The following COL4A6 variants were observed in gnomAD, a reference collection of about 807,000 sequenced individuals.
COL4A6 encodes the protein collagen alpha-6(IV) chain.
In COL4A6, 59 loss-of-function variants were observed where a neutral mutation model predicts 126.7. That is an observed-to-expected ratio of 0.47 (90% CI 0.38 to 0.58). The LOEUF (loss-of-function observed/expected upper bound fraction) is 0.58. Ranked by LOEUF, COL4A6 falls within the 20% of genes least tolerant of loss-of-function variation. The probability of loss-of-function intolerance (pLI) is 0.00; values close to 1 mark genes in which losing one functional copy is unlikely to be tolerated. For synonymous variants in COL4A6, 547 were observed against 496.6 expected, an observed-to-expected ratio of 1.10 and a Z score of -1.35; for missense variants, 1,285 against 1,337.3, an observed-to-expected ratio of 0.96 and a Z score of 0.61.
intron 23 of COL4A6, among the ~76,000 whole-genome samples, chrX:108,184,451 A>G (rs2034790607): frequency 9.0e-6 from 1 of 111,527 alleles, no homozygotes; most frequent in Admixed American, 9.5e-5. Context: ...GGATGGATTA[A>G]TCTCTTTCTC....
intron 37 of COL4A6, among the ~76,000 whole-genome samples, chrX:108,167,087 TA>T (rs1435308947): frequency 8.3e-4 from 93 of 111,699 alleles, no homozygotes; most frequent in African/African-American, 2.9e-3. Flanking sequence ...AAACCTGAAA[TA>T]AAGGCACTAC....
chrX:108,391,513 G>A (rs183691286), intron 2 of COL4A6, among the ~76,000 whole-genome samples: 13 of 111,246 alleles, frequency 1.2e-4, no homozygotes, highest in Non-Finnish European at 2.3e-4. Context: ...TTCAAGCCTC[G>A]GCAATGGCAG....
intron 3 of COL4A6, among the ~76,000 whole-genome samples, chrX:108,302,038 G>A (rs2038502348): frequency 9.0e-6 from 1 of 111,294 alleles, no homozygotes; most frequent in Admixed American, 9.6e-5. Context: ...GTATGGTTTA[G>A]GCCAGTGGTC....
intron 14 of COL4A6, among the ~76,000 whole-genome samples, chrX:108,195,952 A>G (rs944597128): frequency 1.8e-5 from 2 of 111,997 alleles, no homozygotes; most frequent in Non-Finnish European, 3.8e-5. Flanking sequence ...AGCTTGGCCC[A>G]CTGCTTCTAG....
At position 108,196,338 on chromosome X, in the gene COL4A6, C is replaced by G. The variant is rs929055114; in HGVS notation, c.903+173G>C. 7.2e-5 allele frequency among the ~76,000 whole-genome samples: 8 copies of G among 111,091 alleles called. No individual in the cohort carries two copies. In the Admixed American group the frequency reaches 7.6e-4, roughly 11 times the overall value. Reference sequence around the variant, plus strand: ...CTCATTCCTTTTCAAGGGAGCCATTCAATCAAGGGAATGGGGCTAAGAGAG... The same window carrying G: ...CTCATTCCTTTTCAAGGGAGCCATTGAATCAAGGGAATGGGGCTAAGAGAG... On this transcript the variant is annotated intron_variant, in intron 14 of 44. Coordinates refer to ENST00000334504, the MANE Select transcript of COL4A6 (RefSeq NM_033641.4).
At chrX:108,348,258 C>T (rs1174352001) in intron 2 of COL4A6, among the ~76,000 whole-genome samples, 1 of 111,505 alleles carries the variant, frequency 9.0e-6, no homozygotes, top group African/African-American at 3.3e-5. Context: ...ATATCATTTC[C>T]GTGAATATGA....
chrX:108,382,684 C>T (rs1037616859), intron 2 of COL4A6, among the ~76,000 whole-genome samples: 10 of 110,453 alleles, frequency 9.1e-5, no homozygotes, highest in Non-Finnish European at 1.1e-4. Flanking sequence ...CGGTGGCTCA[C>T]GCTTGTAAAC....
intron 2 of COL4A6, among the ~76,000 whole-genome samples, chrX:108,351,573 C>T: frequency 9.2e-6 from 1 of 108,521 alleles, no homozygotes; most frequent in South Asian, 4.2e-4. Flanking sequence ...CCTGTGATTG[C>T]AATCTACTAA....
At chrX:108,425,553 T>C (rs955551746) in intron 2 of COL4A6, among the ~76,000 whole-genome samples, 4 of 109,622 alleles carry the variant, frequency 3.6e-5, no homozygotes, top group Admixed American at 9.8e-5. Context: ...GCTAACAAGG[T>C]GAAACCCTGT....
chrX:108,384,071 T>C (rs1179522121), intron 2 of COL4A6: 3 of 365,543 alleles, frequency 8.2e-6, no homozygotes, highest in African/African-American at 8.0e-5. Flanking sequence ...ATTCATCCAG[T>C]TACCCACCTA....
At chrX:108,320,517 C>T (rs780319708) in intron 2 of COL4A6, among the ~76,000 whole-genome samples, 2 of 111,047 alleles carry the variant, frequency 1.8e-5, no homozygotes, top group Admixed American at 9.5e-5. Flanking sequence ...TGAGCACAGG[C>T]GGTGGGCAAG....
At chrX:108,162,366 T>C (rs376102106) in intron 41 of COL4A6, among the ~76,000 whole-genome samples, 4 of 68,829 alleles carry the variant, frequency 5.8e-5, no homozygotes, top group African/African-American at 2.2e-4. Context: ...TAAAAAAAAA[T>C]AAAAAGAAGA....
chrX:108,200,202 T>C (rs1387839973), intron 13 of COL4A6, among the ~76,000 whole-genome samples: 1 of 112,735 alleles, frequency 8.9e-6, no homozygotes, highest in African/African-American at 3.2e-5. Context: ...AGTAGCCACA[T>C]TAAAAAAGCA....
intron 3 of COL4A6, among the ~76,000 whole-genome samples, chrX:108,298,891 T>G (rs1428343404): frequency 9.0e-6 from 1 of 110,605 alleles, no homozygotes; most frequent in African/African-American, 3.3e-5. Context: ...TGGACTTGAT[T>G]TAAAAAGTAA....
At chrX:108,383,579 C>A in intron 2 of COL4A6, 1 of 486,688 alleles carries the variant, frequency 2.1e-6, no homozygotes, top group Non-Finnish European at 3.6e-6. Flanking sequence ...GAATGCGAGG[C>A]GAATAGCTGT....
At chrX:108,223,916 C>CCCAAAT (rs2036089922) in intron 3 of COL4A6, among the ~76,000 whole-genome samples, 1 of 111,275 alleles carries the variant, frequency 9.0e-6, no homozygotes, top group Non-Finnish European at 1.9e-5. Context: ...GAATGCTTGA[C>CCCAAAT]CCAAATCCAA....
chrX:108,430,020 G>A (rs978103962), intron 2 of COL4A6, among the ~76,000 whole-genome samples: 1 of 111,895 alleles, frequency 8.9e-6, no homozygotes, highest in Non-Finnish European at 1.9e-5. Flanking sequence ...AGAATGTAAC[G>A]TAGTCATATA....
intron 2 of COL4A6, among the ~76,000 whole-genome samples, chrX:108,399,904 G>A (rs2148201747): frequency 9.0e-6 from 1 of 111,278 alleles, no homozygotes; most frequent in South Asian, 3.8e-4. Context: ...AGACAGTGGA[G>A]ATGGCTAATT....
At chrX:108,394,406 C>T (rs2040917015) in intron 2 of COL4A6, among the ~76,000 whole-genome samples, 1 of 109,533 alleles carries the variant, frequency 9.1e-6, no homozygotes, top group Non-Finnish European at 1.9e-5. Context: ...CACATGTACC[C>T]CAGAACTTAA....
Sources: allele counts gnomAD v4.1 joint callset (sites outside exome capture counted in the v4.1 genomes callset), GRCh38; gene constraint gnomAD v4.1.1; transcripts MANE v1.5; gene names NCBI Gene and HGNC (gene_info 2026-07-23, HGNC 2026-07-21).